Variants in HS3ST5 observed in about 807,000 individuals in gnomAD.
HS3ST5 encodes heparan sulfate glucosamine 3-O-sulfotransferase 5.
Under a neutral mutation model 25.4 loss-of-function variants are expected in HS3ST5, and 10 were observed. The observed-to-expected ratio is 0.39, with a 90% confidence interval of 0.24 to 0.67. The LOEUF is 0.67. Among genes scored for constraint, HS3ST5 ranks in the 30% least tolerant of loss-of-function variants. HS3ST5 has a pLI of 0.44. For synonymous variants in HS3ST5, 170 were observed against 162.4 expected (o/e 1.05, Z -0.36); for missense variants, 324 against 420.7 (o/e 0.77, Z 2.01).
chr6:114,117,081 C>T (rs9387189), intron 3 of HS3ST5, among the ~76,000 whole-genome samples: 42,579 of 151,888 alleles, frequency 0.28, 6,698 homozygotes, highest in Admixed American at 0.4. Context: ...AATTCCTCCC[C>T]CTCCCCATTC....
intron 2 of HS3ST5, among the ~76,000 whole-genome samples, chr6:114,169,964 T>C (rs1779399252): frequency 6.6e-6 from 1 of 152,156 alleles, no homozygotes; most frequent in South Asian, 2.1e-4. Context: ...TTTGTACTAA[T>C]TCTAGAATAC....
At chr6:114,098,512 G>A (rs533158378) in intron 3 of HS3ST5, among the ~76,000 whole-genome samples, 94 of 147,720 alleles carry the variant, frequency 6.4e-4, no homozygotes, top group Middle Eastern at 3.6e-3. Flanking sequence ...TGTATGATAT[G>A]TATATATTTA....
At chr6:114,190,552 T>C (rs1481552428) in intron 2 of HS3ST5, among the ~76,000 whole-genome samples, 1 of 152,160 alleles carries the variant, frequency 6.6e-6, no homozygotes, top group Non-Finnish European at 1.5e-5. Context: ...ATGACTACCT[T>C]GCTTATGATG....
chr6:114,203,791 G>A (rs1419006183), intron 2 of HS3ST5, among the ~76,000 whole-genome samples: 2 of 152,080 alleles, frequency 1.3e-5, no homozygotes, highest in Non-Finnish European at 2.9e-5. Context: ...CCGAGCTTTT[G>A]GGAGGCAGAT....
chr6:114,305,132 G>A (rs1221141060), intron 1 of HS3ST5, among the ~76,000 whole-genome samples: 1 of 151,890 alleles, frequency 6.6e-6, no homozygotes, highest in Non-Finnish European at 1.5e-5. Flanking sequence ...ATCATGTACT[G>A]GTCATTTTGA....
chr6:114,153,555 G>A (rs1000724335), intron 3 of HS3ST5, among the ~76,000 whole-genome samples: 2 of 152,170 alleles, frequency 1.3e-5, no homozygotes, highest in Non-Finnish European at 2.9e-5. Flanking sequence ...TATTGGTGGA[G>A]AGATGAAATT....
At chr6:114,250,834 A>G (rs566252658) in intron 1 of HS3ST5, among the ~76,000 whole-genome samples, 1 of 152,354 alleles carries the variant, frequency 6.6e-6, no homozygotes, top group Non-Finnish European at 1.5e-5. Context: ...ACTGGTACAT[A>G]GTCACTTGCT....
chr6:114,208,890 G>A (rs1397540539), intron 2 of HS3ST5, among the ~76,000 whole-genome samples: 1 of 152,066 alleles, frequency 6.6e-6, no homozygotes, highest in African/African-American at 2.4e-5. Flanking sequence ...TTTGTCTTGG[G>A]TTATGTGTTT....
chr6:114,169,359 G>A (rs1018156074), intron 2 of HS3ST5, among the ~76,000 whole-genome samples: 3 of 152,028 alleles, frequency 2.0e-5, no homozygotes, highest in Non-Finnish European at 2.9e-5. Context: ...TATACACTTG[G>A]CTAATAGCCA....
chr6:114,227,702 A>G (rs1771368129), intron 2 of HS3ST5, among the ~76,000 whole-genome samples: 4 of 152,124 alleles, frequency 2.6e-5, no homozygotes, highest in African/African-American at 9.6e-5. Flanking sequence ...CTGAGCTTTC[A>G]AAATGAAGAG....
intron 1 of HS3ST5, among the ~76,000 whole-genome samples, chr6:114,233,059 CTTT>C (rs11285295): frequency 2.8e-5 from 4 of 144,164 alleles, no homozygotes; most frequent in African/African-American, 2.6e-5. Context: ...GACAGACACT[CTTT>C]TTTTTTTTTT....
At chr6:114,264,234 G>A (rs1018941091) in intron 1 of HS3ST5, among the ~76,000 whole-genome samples, 5 of 152,072 alleles carry the variant, frequency 3.3e-5, no homozygotes, top group Admixed American at 1.3e-4. Flanking sequence ...TTGACATTTA[G>A]ATTGCCTCTA....
At chr6:114,148,073 T>C (rs1443358348) in intron 3 of HS3ST5, among the ~76,000 whole-genome samples, 4 of 152,190 alleles carry the variant, frequency 2.6e-5, no homozygotes, top group Non-Finnish European at 5.9e-5. Context: ...CTAGACATTA[T>C]AAATTCTTAG....
intron 1 of HS3ST5, among the ~76,000 whole-genome samples, chr6:114,320,448 T>G (rs1014674552): frequency 2.0e-5 from 3 of 152,090 alleles, no homozygotes; most frequent in Non-Finnish European, 4.4e-5. Flanking sequence ...TCCCAAAGTC[T>G]TCTTCCCTTC....
intron 1 of HS3ST5, among the ~76,000 whole-genome samples, chr6:114,313,721 G>A (rs1462265651): frequency 6.6e-6 from 1 of 152,180 alleles, no homozygotes; most frequent in East Asian, 1.9e-4. Flanking sequence ...TCAATATCTT[G>A]ATTGTGGTGG....
chr6:114,323,270 G>T (rs528146630), intron 1 of HS3ST5, among the ~76,000 whole-genome samples: 1 of 152,246 alleles, frequency 6.6e-6, no homozygotes, highest in South Asian at 2.1e-4. Context: ...ATTAGAGAAA[G>T]ATAGCATATG....
chr6:114,252,569 T>G (rs771972119), intron 1 of HS3ST5, among the ~76,000 whole-genome samples: 1 of 152,066 alleles, frequency 6.6e-6, no homozygotes, highest in Non-Finnish European at 1.5e-5. Context: ...GAATTCTTAA[T>G]CAAACTTTCA....
intron 3 of HS3ST5, among the ~76,000 whole-genome samples, chr6:114,107,891 A>C (rs1165676286): frequency 6.6e-6 from 1 of 152,226 alleles, no homozygotes; most frequent in African/African-American, 2.4e-5. Context: ...GTTAGAAAAC[A>C]CAATATTGCC....
intron 3 of HS3ST5, among the ~76,000 whole-genome samples, chr6:114,085,776 T>C (rs1774765233): frequency 6.6e-6 from 1 of 152,234 alleles, no homozygotes. Flanking sequence ...TTTATATTTA[T>C]AGATTTAGAC....
Sources: gnomAD v4.1 joint callset for allele counts (sites outside exome capture counted in the v4.1 genomes callset) on GRCh38, gnomAD v4.1.1 for gene constraint, MANE v1.5 for transcripts, NCBI Gene and HGNC (gene_info 2026-07-23, HGNC 2026-07-21) for gene names.